The following DAB1 variants were observed in gnomAD, a reference collection of about 807,000 sequenced individuals.
DAB1 encodes disabled homolog 1.
In DAB1, 15 loss-of-function variants were observed where a neutral mutation model predicts 64.6. The ratio of observed to expected loss-of-function variants is 0.23; its 90% confidence interval spans 0.16 to 0.36. The LOEUF is 0.36. Ranked by LOEUF, DAB1 falls within the 10% of genes least tolerant of loss-of-function variation. The pLI is 1.00. For synonymous variants in DAB1, 235 were observed against 251.9 expected (o/e 0.93, Z 0.64); for missense variants, 596 against 706.7 (o/e 0.84, Z 1.78).
chr1:58,174,440 C>T (rs1230270494), intron 4 of DAB1, among the ~76,000 whole-genome samples: 1 of 152,148 alleles, frequency 6.6e-6, no homozygotes, highest in Non-Finnish European at 1.5e-5. Flanking sequence ...CTACCAAGGA[C>T]CCCTGGACCG....
chr1:57,648,481 C>A (rs1279024968), intron 7 of DAB1, among the ~76,000 whole-genome samples: 1 of 152,166 alleles, frequency 6.6e-6, no homozygotes, highest in Non-Finnish European at 1.5e-5. Flanking sequence ...GGTTTCTCAG[C>A]CTCCTCACCA....
intron 1 of DAB1, among the ~76,000 whole-genome samples, chr1:57,342,255 A>C (rs2100831628): frequency 6.6e-6 from 1 of 152,236 alleles, no homozygotes; most frequent in East Asian, 1.9e-4. Context: ...TTTTCTCCAC[A>C]GGATCTTCTA....
intron 1 of DAB1, among the ~76,000 whole-genome samples, chr1:57,367,625 C>T (rs77406820): frequency 0.084 from 12,749 of 152,212 alleles, 591 homozygotes; most frequent in Middle Eastern, 0.12. Flanking sequence ...CTGGAGCAGC[C>T]GTTGCCATCA....
At chr1:57,580,128 G>A (rs1645296141) in intron 7 of DAB1, among the ~76,000 whole-genome samples, 1 of 152,038 alleles carries the variant, frequency 6.6e-6, no homozygotes, top group East Asian at 1.9e-4. Flanking sequence ...GGTGGTTAGG[G>A]TGGGTGGGTA....
intron 4 of DAB1, among the ~76,000 whole-genome samples, chr1:58,294,276 A>G (rs1437719176): frequency 1.3e-5 from 2 of 152,192 alleles, no homozygotes; most frequent in Non-Finnish European, 2.9e-5. Flanking sequence ...AATTTTTGGA[A>G]AAAATTACTT....
chr1:57,783,503 T>C (rs767662790), intron 6 of DAB1, among the ~76,000 whole-genome samples: 3 of 152,210 alleles, frequency 2.0e-5, no homozygotes, highest in Non-Finnish European at 4.4e-5. Flanking sequence ...AAGTACTCAT[T>C]GTCCAGTAGG....
intron 3 of DAB1, among the ~76,000 whole-genome samples, chr1:58,461,691 C>A (rs1326713594): frequency 6.6e-6 from 1 of 152,174 alleles, no homozygotes; most frequent in African/African-American, 2.4e-5. Context: ...GGTGGTTCTA[C>A]GAGCACCCCA....
At chr1:58,200,325 G>A (rs545267982) in intron 4 of DAB1, among the ~76,000 whole-genome samples, 1 of 152,252 alleles carries the variant, frequency 6.6e-6, no homozygotes, top group South Asian at 2.1e-4. Flanking sequence ...GCTGTAACTA[G>A]AACCTACTTC....
At chr1:58,354,057 T>G (rs998079316) in intron 3 of DAB1, among the ~76,000 whole-genome samples, 1 of 152,132 alleles carries the variant, frequency 6.6e-6, no homozygotes, top group Non-Finnish European at 1.5e-5. Context: ...GGCTCTAGTA[T>G]GCCCCAGATG....
intron 7 of DAB1, among the ~76,000 whole-genome samples, chr1:57,436,393 G>A (rs574943675): frequency 1.5e-4 from 23 of 152,222 alleles, no homozygotes; most frequent in Non-Finnish European, 2.8e-4. Flanking sequence ...TAAGAGCTGC[G>A]CGTTTCAATA....
intron 1 of DAB1, among the ~76,000 whole-genome samples, chr1:58,531,090 C>CACAG (rs989302291): frequency 1.2e-4 from 19 of 152,118 alleles, no homozygotes; most frequent in Admixed American, 1.0e-3. Context: ...CCCAGATTTG[C>CACAG]ACAGCTATTA....
chr1:57,512,367 T>A (rs1010638332), intron 7 of DAB1, among the ~76,000 whole-genome samples: 2 of 152,206 alleles, frequency 1.3e-5, no homozygotes, highest in African/African-American at 4.8e-5. Flanking sequence ...GTCTGAACAC[T>A]TTATAAACCT....
intron 4 of DAB1, among the ~76,000 whole-genome samples, chr1:58,245,881 G>A (rs1259060520): frequency 6.6e-6 from 1 of 152,044 alleles, no homozygotes; most frequent in African/African-American, 2.4e-5. Context: ...TAGTCGTTGG[G>A]CACATCCTGC....
rs76380198 is a variant in DAB1, at chr1:57,530,938, A to G, written n.625+118654T>C. The stretch of plus-strand genomic sequence containing the variant: ...AGGCTCCTCTTCTCTCTTGCTGAGC[A>G]GAGAATCTTTTGTTGGTGTTGGCCA... On this transcript the variant is annotated intron_variant and non_coding_transcript_variant, in intron 7 of 20. Coordinates refer to the DAB1 transcript ENST00000485760. Among the ~76,000 whole-genome samples the G allele has an allele frequency of 8.5e-3, 1,293 of 152,290 alleles. 13 individuals are homozygous for G. The highest frequency in any genetic ancestry group is 0.029 in the African/African-American group (1,185 of 41,554).
chr1:57,772,663 C>CG (rs1338291374), intron 6 of DAB1, among the ~76,000 whole-genome samples: 4 of 152,036 alleles, frequency 2.6e-5, no homozygotes, highest in African/African-American at 9.7e-5. Context: ...CTATTTGCTC[C>CG]ACATTGTTGT....
chr1:58,532,858 CAAAAG>C (rs1390453173), intron 1 of DAB1, among the ~76,000 whole-genome samples: 1 of 152,134 alleles, frequency 6.6e-6, no homozygotes, highest in Non-Finnish European at 1.5e-5. Context: ...TCCTGTAACT[CAAAAG>C]AAATCAAGGA....
chr1:57,220,903 A>AAT (rs1345074277), intron 2 of DAB1, among the ~76,000 whole-genome samples: 1 of 152,204 alleles, frequency 6.6e-6, no homozygotes, highest in Non-Finnish European at 1.5e-5. Flanking sequence ...CTGGGTATAT[A>AAT]CCCAAAGGAT....
chr1:57,480,766 T>C (rs1231542572), intron 7 of DAB1, among the ~76,000 whole-genome samples: 1 of 152,186 alleles, frequency 6.6e-6, no homozygotes, highest in African/African-American at 2.4e-5. Flanking sequence ...ATTATAGGCA[T>C]GAGCCACCAT....
intron 14 of DAB1, among the ~76,000 whole-genome samples, chr1:57,001,507 A>G: frequency 6.6e-6 from 1 of 152,198 alleles, no homozygotes; most frequent in Admixed American, 6.5e-5. Context: ...TGTTAAAAAA[A>G]TCTTTCTTTA....
Sources: gnomAD v4.1 joint callset for allele counts (sites outside exome capture counted in the v4.1 genomes callset) on GRCh38, gnomAD v4.1.1 for gene constraint, MANE v1.5 for transcripts, NCBI Gene and HGNC (gene_info 2026-07-23, HGNC 2026-07-21) for gene names.